The following PRKDC variants were observed in gnomAD, a reference collection of about 807,000 sequenced individuals.
PRKDC encodes DNA-dependent protein kinase catalytic subunit.
Under a neutral mutation model 486.9 loss-of-function variants are expected in PRKDC, and 82 were observed. The ratio of observed to expected loss-of-function variants is 0.17; its 90% confidence interval spans 0.14 to 0.20. PRKDC has a LOEUF of 0.20. PRKDC is among the 10% of genes least tolerant of loss of function. PRKDC has a pLI of 1.00. For synonymous variants in PRKDC, 1,895 were observed against 1,837.0 expected (o/e 1.03, Z -0.81); for missense variants, 4,504 against 5,038.2 (o/e 0.89, Z 3.21).
At chr8:47,778,965 GAACT>G (rs747965609) in intron 81 of PRKDC, 35 bp downstream of exon 81, 120 of 1,497,254 alleles carry the variant, frequency 8.0e-5, no homozygotes, top group Non-Finnish European at 8.9e-5. Context: ...GCAGAAGAAT[GAACT>G]AACTAATACA....
chr8:47,879,629 G>A lies in PRKDC; in HGVS notation c.5097C>T (p.Phe1699=). The A allele has an allele frequency of 1.3e-6, 2 of 1,586,154 alleles. No homozygotes were observed. Among genetic ancestry groups the A allele is most frequent in the East Asian group, 2.3e-5 (1 of 43,946 alleles). ...CCAGACTGCCTCCAGTGAGGCTGGT[G>A]AAGAATGGAAGAAGAGTGACAGCTT... The part of the protein sequence containing the change: ...KGQAVTLLPF[F]TSLTGGSLEE... Residue 1699 remains phenylalanine, a synonymous_variant, in exon 39 of 86, where the codon TTC becomes TTT. Transcript: ENST00000314191.
At chr8:47,958,276 T>A (rs2090743855) in intron 1 of PRKDC, among the ~76,000 whole-genome samples, 1 of 152,202 alleles carries the variant, frequency 6.6e-6, no homozygotes, top group South Asian at 2.1e-4. Context: ...AAGTATGGAA[T>A]GTCAGGGACC....
At chr8:47,901,073 G>A (rs2154502279) in intron 27 of PRKDC, among the ~76,000 whole-genome samples, 1 of 150,470 alleles carries the variant, frequency 6.6e-6, no homozygotes, top group South Asian at 2.1e-4. Flanking sequence ...AGGACCACTT[G>A]AGCTCAGGAG....
intron 54 of PRKDC, among the ~76,000 whole-genome samples, chr8:47,845,465 T>C (rs1294526198): frequency 6.6e-6 from 1 of 152,090 alleles, no homozygotes; most frequent in Non-Finnish European, 1.5e-5. Flanking sequence ...GATAACATCA[T>C]ACCTGATCCC....
rs2090659501 is a variant in PRKDC, at chr8:47,953,623, C to T, written c.718G>A (p.Glu240Lys). Residue 240 changes from glutamate to lysine, a missense_variant, in exon 7 of 86, where the codon GAA (glutamate) becomes AAA (lysine). This residue lies in a region of PRKDC where 1,969 missense variants were observed against 2,068.9 expected (regional missense o/e 0.95). Transcript: ENST00000314191. ...ATCAAGTGAAGCCAAGCAATACCTT[C>T]TTCCATGGACTTAGTGAAGTTGCAC... Reference protein sequence around the residue: ...LLCNFTKSMEEDPQTSREIFN... With the variant: ...LLCNFTKSMEKDPQTSREIFN... 2 of 1,611,514 alleles carry T rather than the reference C, an allele frequency of 1.2e-6. No homozygotes were observed. The highest frequency in any genetic ancestry group is 1.7e-6 in the Non-Finnish European group (2 of 1,178,564).
intron 50 of PRKDC, among the ~76,000 whole-genome samples, chr8:47,854,493 C>A (rs552364133): frequency 6.6e-6 from 1 of 152,120 alleles, no homozygotes; most frequent in Non-Finnish European, 1.5e-5. Context: ...CGCCCGCCAC[C>A]ACACCTGGCT....
intron 7 of PRKDC, among the ~76,000 whole-genome samples, chr8:47,944,460 ACCTAGT>A: frequency 6.7e-6 from 1 of 149,444 alleles, no homozygotes; most frequent in Non-Finnish European, 1.5e-5. Flanking sequence ...TTTATTCAAC[ACCTAGT>A]ACATGTAAGA....
chr8:47,950,343 C>T (rs1236743020), intron 7 of PRKDC, among the ~76,000 whole-genome samples: 1 of 149,418 alleles, frequency 6.7e-6, no homozygotes, highest in African/African-American at 2.5e-5. Context: ...ATTTTAGGAT[C>T]GGCCAGGCAC....
At chr8:47,921,587 G>A (rs538795036) in intron 21 of PRKDC, among the ~76,000 whole-genome samples, 12 of 152,230 alleles carry the variant, frequency 7.9e-5, no homozygotes, top group African/African-American at 2.2e-4. Context: ...TAACAGGCAC[G>A]TGCATGCTGT....
intron 19 of PRKDC, 134 bp downstream of exon 19, chr8:47,928,958 G>A: frequency 2.9e-6 from 2 of 694,762 alleles, no homozygotes; most frequent in Non-Finnish European, 4.8e-6. Flanking sequence ...CCAAAGTGCT[G>A]GGATTAAGGG....
intron 36 of PRKDC, 126 bp from the exon 37 acceptor site, chr8:47,882,223 C>G (rs1589763106): frequency 1.1e-6 from 1 of 895,632 alleles, no homozygotes. Context: ...AGATGTTTAT[C>G]TACTTCAAAA....
chr8:47,824,657 G>A (rs1407052985), intron 63 of PRKDC, among the ~76,000 whole-genome samples: 1 of 152,068 alleles, frequency 6.6e-6, no homozygotes, highest in African/African-American at 2.4e-5. Flanking sequence ...GACTACTGAT[G>A]CCATGTTTAA....
At chr8:47,815,283 CAT>C (rs1476409579) in intron 68 of PRKDC, among the ~76,000 whole-genome samples, 4 of 152,186 alleles carry the variant, frequency 2.6e-5, no homozygotes, top group African/African-American at 9.6e-5. Context: ...TAGACCCACA[CAT>C]ATGTGGTCAA....
intron 27 of PRKDC, 82 bp downstream of exon 27, chr8:47,902,487 T>C (rs556276513): frequency 7.7e-5 from 73 of 943,706 alleles, no homozygotes; most frequent in Non-Finnish European, 9.4e-5. Flanking sequence ...GCAGGAAATA[T>C]GACACACGGA....
chr8:47,956,771 G>C (rs2090709443), intron 3 of PRKDC, among the ~76,000 whole-genome samples: 1 of 151,096 alleles, frequency 6.6e-6, no homozygotes, highest in African/African-American at 2.4e-5. Context: ...TTTTGAGATG[G>C]AGTTTTGCTC....
chr8:47,952,599 T>C (rs1014895164), intron 7 of PRKDC, among the ~76,000 whole-genome samples: 9 of 152,188 alleles, frequency 5.9e-5, no homozygotes, highest in African/African-American at 2.2e-4. Flanking sequence ...CTCATGCCTA[T>C]AATCCCAGCA....
intron 31 of PRKDC, among the ~76,000 whole-genome samples, chr8:47,891,818 G>GA (rs762274987): frequency 1.3e-5 from 2 of 152,294 alleles, no homozygotes; most frequent in African/African-American, 2.4e-5. Context: ...TTAAATATGG[G>GA]AAAATGTACA....
chr8:47,828,572 G>A (rs1302677819), intron 61 of PRKDC, among the ~76,000 whole-genome samples: 1 of 152,184 alleles, frequency 6.6e-6, no homozygotes, highest in African/African-American at 2.4e-5. Context: ...TTGGCCCAGA[G>A]AGATACATTT....
chr8:47,816,268 C>T (rs774460262), intron 68 of PRKDC, among the ~76,000 whole-genome samples: 5 of 152,114 alleles, frequency 3.3e-5, no homozygotes, highest in Non-Finnish European at 7.4e-5. Flanking sequence ...GTGTGATTTG[C>T]TAGCCTGAGA....
Sources: gnomAD v4.1 joint callset for allele counts (sites outside exome capture counted in the v4.1 genomes callset) on GRCh38, gnomAD v4.1.1 for gene constraint, gnomAD v4.1.1 regional missense constraint, MANE v1.5 for transcripts, NCBI Gene and HGNC (gene_info 2026-07-23, HGNC 2026-07-21) for gene names.